NCOR1: variants seen among roughly 807,000 people sequenced by gnomAD.
The protein encoded by NCOR1 is nuclear receptor corepressor 1.
A neutral mutation model predicts 288.1 loss-of-function variants in NCOR1; 63 were observed. The ratio of observed to expected loss-of-function variants is 0.22; its 90% confidence interval spans 0.18 to 0.27. The LOEUF is 0.27. NCOR1 is among the 10% of genes least tolerant of loss of function. The pLI, the probability that NCOR1 is intolerant of heterozygous loss-of-function variation, is 1.00. For synonymous variants in NCOR1, 1,007 were observed against 1,065.9 expected (o/e 0.94, Z 1.08); for missense variants, 2,397 against 3,019.2 (o/e 0.79, Z 4.83).
chr17:16,094,084 G>A (rs987126465), intron 21 of NCOR1, among the ~76,000 whole-genome samples: 8 of 149,334 alleles, frequency 5.4e-5, no homozygotes, highest in African/African-American at 2.0e-4. Context: ...GTTTTTTTTT[G>A]GAGAGACAGG....
chr17:16,175,887 T>C (rs1353792070), intron 3 of NCOR1, among the ~76,000 whole-genome samples: 2 of 151,254 alleles, frequency 1.3e-5, no homozygotes, highest in East Asian at 3.9e-4. Flanking sequence ...CCTCTTACCA[T>C]GGCATCCATT....
chr17:16,099,625 C>A (rs2067244657), intron 20 of NCOR1, among the ~76,000 whole-genome samples: 1 of 152,056 alleles, frequency 6.6e-6, no homozygotes, highest in South Asian at 2.1e-4. Flanking sequence ...CGTATAGTTA[C>A]CAAAACCAAC....
chr17:16,091,412 C>T (rs2065158708), intron 22 of NCOR1, among the ~76,000 whole-genome samples: 1 of 152,178 alleles, frequency 6.6e-6, no homozygotes, highest in African/African-American at 2.4e-5. Context: ...ACACAGCTGG[C>T]AAATGCCAAG....
At chr17:16,086,627 C>A (rs550972949) in intron 22 of NCOR1, among the ~76,000 whole-genome samples, 185 bp from the exon 23 acceptor site, 1 of 152,260 alleles carries the variant, frequency 6.6e-6, no homozygotes, top group East Asian at 1.9e-4. Flanking sequence ...GTCACAAATA[C>A]TATTTGTGGG....
chr17:16,135,172 A>C (rs1408417312), intron 14 of NCOR1, among the ~76,000 whole-genome samples: 5 of 151,476 alleles, frequency 3.3e-5, no homozygotes, highest in South Asian at 2.1e-4. Flanking sequence ...AAAAAAAAAA[A>C]AAAAAAAAAA....
At chr17:16,062,004 A>C in intron 36 of NCOR1, 101 bp downstream of exon 36, 1 of 1,573,172 alleles carries the variant, frequency 6.4e-7, no homozygotes, top group South Asian at 1.2e-5. Flanking sequence ...CCTTCATGGC[A>C]TGGGCAGAAA....
chr17:16,074,119 G>A lies in NCOR1; in HGVS notation c.3671-550C>T, dbSNP rs564014554. 2.0e-5 allele frequency among the ~76,000 whole-genome samples: 3 copies of A among 152,306 alleles called. No individual in the cohort carries two copies. In the South Asian group the frequency reaches 6.2e-4, roughly 32 times the overall value. ...GTAACCGGCTAATGTGTAGAGTGGA[G>A]TTGGGAGGAAGAGTGTGGGGGAGGT... On this transcript the variant is annotated intron_variant, in intron 27 of 45. Coordinates refer to ENST00000268712, the MANE Select transcript of NCOR1 (RefSeq NM_006311.4).
chr17:16,109,475 T>C (rs1299063821), intron 18 of NCOR1, among the ~76,000 whole-genome samples: 1 of 152,074 alleles, frequency 6.6e-6, no homozygotes, highest in African/African-American at 2.4e-5. Flanking sequence ...AATGTAGCCA[T>C]GAGCAGAACA....
intron 15 of NCOR1, among the ~76,000 whole-genome samples, chr17:16,124,925 G>A (rs1363150491): frequency 6.6e-6 from 1 of 152,094 alleles, no homozygotes; most frequent in Non-Finnish European, 1.5e-5. Context: ...TATCCTGGAG[G>A]AAAGTATATA....
chr17:16,050,949 C>T (rs1175559261), intron 40 of NCOR1, among the ~76,000 whole-genome samples: 1 of 152,158 alleles, frequency 6.6e-6, no homozygotes, highest in East Asian at 1.9e-4. Flanking sequence ...CCTCCCACCT[C>T]AGGCTCCCAA....
At chr17:16,161,936 T>C (rs2080929963) in intron 5 of NCOR1, among the ~76,000 whole-genome samples, 1 of 152,126 alleles carries the variant, frequency 6.6e-6, no homozygotes, top group Non-Finnish European at 1.5e-5. Context: ...TGTGATTTAG[T>C]TGGTGTTATT....
At chr17:16,127,714 T>TGTATATAC (rs1568211091) in intron 14 of NCOR1, among the ~76,000 whole-genome samples, 2 of 123,628 alleles carry the variant, frequency 1.6e-5, no homozygotes, top group African/African-American at 2.7e-5. Flanking sequence ...TATGTGTGTG[T>TGTATATAC]ATATATACAT....
chr17:16,123,117 T>C (rs974250897), intron 15 of NCOR1, among the ~76,000 whole-genome samples: 9 of 152,216 alleles, frequency 5.9e-5, no homozygotes, highest in African/African-American at 1.2e-4. Context: ...TTTCCATCAA[T>C]AGAAACTGAA....
chr17:16,133,672 T>C (rs1218474727), intron 14 of NCOR1, among the ~76,000 whole-genome samples: 1 of 152,220 alleles, frequency 6.6e-6, no homozygotes, highest in East Asian at 1.9e-4. Flanking sequence ...CAGACTTATA[T>C]GTCTAACTAT....
intron 8 of NCOR1, among the ~76,000 whole-genome samples, chr17:16,150,635 C>T (rs899531682): frequency 6.6e-6 from 1 of 150,958 alleles, no homozygotes; most frequent in African/African-American, 2.4e-5. Context: ...ATAAATCGGA[C>T]AGAGCTGCTC....
intron 44 of NCOR1, among the ~76,000 whole-genome samples, chr17:16,037,469 C>T (rs548506557): frequency 6.6e-6 from 1 of 152,088 alleles, no homozygotes; most frequent in South Asian, 2.1e-4. Context: ...GCCAGGATTT[C>T]ACTTGTAACA....
chr17:16,056,119 A>G (rs950371255), intron 40 of NCOR1, among the ~76,000 whole-genome samples: 4 of 151,616 alleles, frequency 2.6e-5, no homozygotes, highest in Non-Finnish European at 4.4e-5. Flanking sequence ...ATATTCTTCT[A>G]TCTGCTCTTT....
At chr17:16,056,081 T>A (rs1232801429) in intron 40 of NCOR1, among the ~76,000 whole-genome samples, 1 of 144,062 alleles carries the variant, frequency 6.9e-6, no homozygotes, top group African/African-American at 2.5e-5. Context: ...ATTTTTTTTT[T>A]TAAAGAAGAC....
intron 18 of NCOR1, among the ~76,000 whole-genome samples, chr17:16,112,349 T>TAC (rs2070451816): frequency 1.3e-5 from 2 of 152,234 alleles, no homozygotes; most frequent in African/African-American, 4.8e-5. Context: ...CCGCTTTGTA[T>TAC]ACACACTTTT....
Sources: gnomAD v4.1 joint callset for allele counts (sites outside exome capture counted in the v4.1 genomes callset) on GRCh38, gnomAD v4.1.1 for gene constraint, MANE v1.5 for transcripts, NCBI Gene and HGNC (gene_info 2026-07-23, HGNC 2026-07-21) for gene names.